Variants in PRKAA2 observed in about 807,000 individuals in gnomAD.
The protein encoded by PRKAA2 is 5'-AMP-activated protein kinase catalytic subunit alpha-2.
PRKAA2 carries 40 observed loss-of-function variants against 56.3 expected under a neutral mutation model. The ratio of observed to expected loss-of-function variants is 0.71; its 90% CI spans 0.55 to 0.92. PRKAA2 has a LOEUF of 0.92. PRKAA2 is among the 40% of genes least tolerant of loss of function. The pLI, the probability that PRKAA2 is intolerant of heterozygous loss-of-function variation, is 0.00. For synonymous variants in PRKAA2, 214 were observed against 234.2 expected (o/e 0.91, Z 0.79); for missense variants, 542 against 686.9 (o/e 0.79, Z 2.36).
chr1:56,678,633 G>A (rs1200194660), intron 2 of PRKAA2, among the ~76,000 whole-genome samples: 1 of 150,948 alleles, frequency 6.6e-6, no homozygotes, highest in Non-Finnish European at 1.5e-5. Flanking sequence ...AATTCTTAAT[G>A]CAACTTGATT....
rs1195714913 is a variant in PRKAA2 at position 56,713,613 on chromosome 1, G to C, written c.*5900G>C. On this transcript the variant is annotated 3_prime_UTR_variant, in exon 9 of 9. Transcript: ENST00000371244. ...GTAGAATTTTGACAAGGTTCATACA[G>C]TGCATACAGTGTGACCTTTTCTGAG... 6.6e-6 allele frequency: 1 copy of C among 152,050 alleles called. No homozygotes were observed. The highest frequency in any genetic ancestry group is 2.4e-5 in the African/African-American group (1 of 41,404). The allele number at this position is 152,050 out of a possible 1,614,324, so 9.4% of individuals were successfully genotyped here.
intron 6 of PRKAA2, 43 bp from the exon 7 acceptor site, chr1:56,703,928 C>T: frequency 1.3e-6 from 2 of 1,541,664 alleles, no homozygotes; most frequent in Non-Finnish European, 1.8e-6. Context: ...TTTGGACTTG[C>T]CAAACCATGT....
chr1:56,670,166 C>T (rs1303240791), intron 1 of PRKAA2, among the ~76,000 whole-genome samples: 1 of 152,142 alleles, frequency 6.6e-6, no homozygotes, highest in Non-Finnish European at 1.5e-5. Flanking sequence ...TATATGGTTA[C>T]TCAGCAAAAT....
rs956355007 is a variant in PRKAA2 at position 56,708,745 on chromosome 1, G to A, written c.*1032G>A. The A allele has an allele frequency of 1.6e-4, 24 of 152,122 alleles. No homozygotes were observed. Among genetic ancestry groups the A allele is most frequent in the African/African-American group, 5.8e-4 (24 of 41,418 alleles). The allele number at this position is 152,122 out of a possible 1,614,324, so 9.4% of individuals were successfully genotyped here. A position where few individuals can be genotyped will look rare whatever the true frequency, so the allele number is the denominator to read the frequency against. On this transcript the variant is annotated 3_prime_UTR_variant, in exon 9 of 9. Transcript: ENST00000371244. ...TTTGTTCATTGTTTGATCCTGAGTG[G>A]TTGATTGATATAGCTTTGAATCTTT...
intron 2 of PRKAA2, among the ~76,000 whole-genome samples, chr1:56,677,107 T>C (rs2796493): frequency 0.48 from 72,341 of 151,968 alleles, 17,502 homozygotes; most frequent in East Asian, 0.64. Context: ...TAACTCACCT[T>C]TCCTATCCAT....
chr1:56,660,824 T>G (rs1052651156), intron 1 of PRKAA2, among the ~76,000 whole-genome samples: 12 of 152,216 alleles, frequency 7.9e-5, no homozygotes, highest in Non-Finnish European at 1.5e-5. Flanking sequence ...CATAAAGTAC[T>G]ATTTAATAAA....
In PRKAA2 at chr1:56,711,427, G is replaced by A. The variant is rs1644368261; in HGVS notation, c.*3714G>A. Reference sequence around the variant, plus strand: ...TTGGATTTATAAAATGTAAAAACCTGGAACATGCCTGCCACAGACACCACT... The same window carrying A: ...TTGGATTTATAAAATGTAAAAACCTAGAACATGCCTGCCACAGACACCACT... On this transcript the variant is annotated 3_prime_UTR_variant, in exon 9 of 9. Coordinates refer to ENST00000371244, the MANE Select transcript of PRKAA2 (RefSeq NM_006252.4). 1 of 152,072 alleles carries A rather than the reference G, an allele frequency of 6.6e-6. No homozygotes were observed. Among genetic ancestry groups the A allele is most frequent in the African/African-American group, 2.4e-5 (1 of 41,426 alleles). The allele number at this position is 152,072 out of a possible 1,614,324, so 9.4% of individuals were successfully genotyped here. A position where few individuals can be genotyped will look rare whatever the true frequency, so the allele number is the denominator to read the frequency against.
intron 1 of PRKAA2, among the ~76,000 whole-genome samples, chr1:56,673,385 A>T (rs1477385234): frequency 1.3e-5 from 2 of 152,150 alleles, no homozygotes; most frequent in Non-Finnish European, 2.9e-5. Flanking sequence ...AAATAAATAA[A>T]TGAAAAGATA....
chr1:56,708,374 C>T lies in PRKAA2; in HGVS notation c.*661C>T, dbSNP rs1305011737. The T allele has an allele frequency of 6.6e-6, 1 of 152,046 alleles. No homozygotes were observed. The highest frequency in any genetic ancestry group is 1.5e-5 in the Non-Finnish European group (1 of 68,006). The allele number at this position is 152,046 out of a possible 1,614,324, so 9.4% of individuals were successfully genotyped here. A position where few individuals can be genotyped will look rare whatever the true frequency, so the allele number is the denominator to read the frequency against. Reference sequence around the variant, plus strand: ...ACTCAGGATTTTTATCTTGAGATTTCCCTGAATAATATATTTATCTTAAGA... The same window carrying T: ...ACTCAGGATTTTTATCTTGAGATTTTCCTGAATAATATATTTATCTTAAGA... On this transcript the variant is annotated 3_prime_UTR_variant, in exon 9 of 9. Transcript: ENST00000371244.
chr1:56,648,902 T>C (rs1004732601), intron 1 of PRKAA2, among the ~76,000 whole-genome samples: 1 of 152,214 alleles, frequency 6.6e-6, no homozygotes, highest in Non-Finnish European at 1.5e-5. Flanking sequence ...TCTAATTGGG[T>C]TACTTGTCAT....
At chr1:56,647,327 C>T (rs75650857) in intron 1 of PRKAA2, among the ~76,000 whole-genome samples, 4,880 of 152,268 alleles carry the variant, frequency 0.032, 221 homozygotes, top group African/African-American at 0.1. Flanking sequence ...GACATGTACA[C>T]ACAAAGTTAT....
intron 1 of PRKAA2, among the ~76,000 whole-genome samples, chr1:56,649,679 A>G (rs1047314543): frequency 6.6e-6 from 1 of 152,110 alleles, no homozygotes; most frequent in African/African-American, 2.4e-5. Context: ...TTTAGGGACT[A>G]TGTTGACCAG....
chr1:56,691,233 C>T (rs1365881557), intron 2 of PRKAA2, among the ~76,000 whole-genome samples, 161 bp from the exon 3 acceptor site: 1 of 152,084 alleles, frequency 6.6e-6, no homozygotes, highest in Non-Finnish European at 1.5e-5. Context: ...TTGTAATGGT[C>T]CGTGTTTATT....
At chr1:56,697,818 A>G (rs1302906104) in intron 6 of PRKAA2, among the ~76,000 whole-genome samples, 2 of 128,298 alleles carry the variant, frequency 1.6e-5, no homozygotes, top group Non-Finnish European at 3.1e-5. Flanking sequence ...TTTTTTTATT[A>G]AAAAAAAAGT....
chr1:56,692,335 G>A (rs757333410), intron 3 of PRKAA2, 23 bp from the exon 4 acceptor site: 8 of 1,613,292 alleles, frequency 5.0e-6, no homozygotes, highest in Non-Finnish European at 6.8e-6. Flanking sequence ...TATTCTTAAT[G>A]CAGTTTCTTT....
At chr1:56,700,525 A>G (rs977843322) in intron 6 of PRKAA2, among the ~76,000 whole-genome samples, 3 of 152,152 alleles carry the variant, frequency 2.0e-5, no homozygotes, top group Admixed American at 6.5e-5. Context: ...CCCCTCTGGA[A>G]ATTGTGTTTC....
At chr1:56,686,595 G>T (rs1316820585) in intron 2 of PRKAA2, among the ~76,000 whole-genome samples, 3 of 152,142 alleles carry the variant, frequency 2.0e-5, no homozygotes, top group African/African-American at 4.8e-5. Context: ...GGCAGCCAGG[G>T]TGTCACATGG....
intron 1 of PRKAA2, 114 bp downstream of exon 1, chr1:56,645,595 G>T: frequency 4.2e-6 from 4 of 942,982 alleles, no homozygotes; most frequent in Non-Finnish European, 5.5e-6. Context: ...CAGGTGGAGC[G>T]GTCCCGGGTC....
chr1:56,684,786 A>G (rs963673936), intron 2 of PRKAA2, among the ~76,000 whole-genome samples: 1 of 152,168 alleles, frequency 6.6e-6, no homozygotes, highest in South Asian at 2.1e-4. Flanking sequence ...ATGAGATAAA[A>G]AAGGGGAGAT....
Sources: allele counts gnomAD v4.1 joint callset (sites outside exome capture counted in the v4.1 genomes callset), GRCh38; gene constraint gnomAD v4.1.1; transcripts MANE v1.5; gene names NCBI Gene and HGNC (gene_info 2026-07-23, HGNC 2026-07-21).